Variants in GGA2 observed in about 807,000 individuals in gnomAD.
The protein encoded by GGA2 is ADP-ribosylation factor-binding protein GGA2.
A neutral mutation model predicts 79.5 loss-of-function variants in GGA2; 48 were observed. The observed-to-expected ratio is 0.60, with a 90% CI of 0.48 to 0.77. The LOEUF is 0.77. GGA2 is among the 30% of genes least tolerant of loss of function. The pLI, the probability that GGA2 is intolerant of heterozygous loss-of-function variation, is 0.00. For synonymous variants in GGA2, 317 were observed against 302.0 expected (o/e 1.05, Z -0.51); for missense variants, 770 against 774.0 (o/e 0.99, Z 0.06).
At chr16:23,498,302 T>C (rs1020110021) in intron 1 of GGA2, among the ~76,000 whole-genome samples, 2 of 146,896 alleles carry the variant, frequency 1.4e-5, no homozygotes, top group Admixed American at 1.4e-4. Flanking sequence ...AAGCCAGGCA[T>C]GGTGGCACAC....
chr16:23,469,412 G>A (rs1163968062), intron 15 of GGA2: 3 of 172,106 alleles, frequency 1.7e-5, no homozygotes, highest in Non-Finnish European at 2.6e-5. Flanking sequence ...AGTAGAGACT[G>A]CAGGTCATAT....
In GGA2 at chr16:23,493,580, T is replaced by C. The variant is rs751014418; in HGVS notation, c.253-122A>G. ...CAAGGCTAACCCTGCCTCAAGCCTA[T>C]GAGGACACTGAAGTTTTGATGAAGA... On this transcript the variant is annotated intron_variant, in intron 3 of 16. Coordinates refer to ENST00000309859, the MANE Select transcript of GGA2 (RefSeq NM_015044.4). 1.0e-4 allele frequency: 70 copies of C among 670,820 alleles called. 1 individual carries two copies. In the South Asian group the frequency reaches 1.1e-3, roughly 11 times the overall value. The allele number at this position is 670,820 out of a possible 1,614,324, so 41.6% of individuals were successfully genotyped here. A position where few individuals can be genotyped will look rare whatever the true frequency, so the allele number is the denominator to read the frequency against.
chr16:23,489,414 A>T (rs867831273), intron 5 of GGA2, among the ~76,000 whole-genome samples: 11 of 152,186 alleles, frequency 7.2e-5, no homozygotes, highest in South Asian at 6.2e-4. Context: ...TTTTTAAAAA[A>T]TTTTTTGTAG....
intron 1 of GGA2, among the ~76,000 whole-genome samples, chr16:23,519,829 T>C (rs1965125227): frequency 1.3e-5 from 2 of 152,212 alleles, no homozygotes; most frequent in African/African-American, 4.8e-5. Context: ...AATAAATTCC[T>C]TTCATGGTTT....
chr16:23,491,574 C>T, intron 5 of GGA2, 103 bp downstream of exon 5: 1 of 845,826 alleles, frequency 1.2e-6, no homozygotes, highest in Non-Finnish European at 1.8e-6. Context: ...TATGGTCCTA[C>T]ATAAGAAGTA....
At chr16:23,517,685 T>C (rs1431068343) in intron 2 of GGA2, among the ~76,000 whole-genome samples, 1 of 152,194 alleles carries the variant, frequency 6.6e-6, no homozygotes, top group Non-Finnish European at 1.5e-5. Context: ...CTCCTTGGAA[T>C]AGCCTTCCAA....
chr16:23,480,576 C>A lies in GGA2; in HGVS notation c.1006+69G>T, dbSNP rs200739276. 101 of 1,350,792 alleles carry A rather than the reference C, an allele frequency of 7.5e-5. 1 individual carries two copies. In the Middle Eastern group the frequency reaches 7.5e-4, roughly 10 times the overall value. 83.7% of individuals were successfully genotyped at this position (1,350,792 alleles called of 1,614,324 possible). ...TCCTTAACCCAGAATATGTTTAGGA[C>A]CCATTTCTTTTCTGGGAATTACAGG... is the stretch of plus-strand genomic sequence containing the variant. On this transcript the variant is annotated intron_variant, in intron 10 of 16. Transcript: ENST00000309859.
intron 7 of GGA2, 98 bp downstream of exon 7, chr16:23,486,612 G>T: frequency 2.5e-6 from 2 of 795,518 alleles, no homozygotes; most frequent in Non-Finnish European, 4.6e-6. Context: ...TTTCTCCCAG[G>T]CAACCGTTCC....
intron 1 of GGA2, among the ~76,000 whole-genome samples, chr16:23,496,367 T>C (rs1964856026): frequency 6.6e-6 from 1 of 151,642 alleles, no homozygotes; most frequent in Non-Finnish European, 1.5e-5. Context: ...GCTCCACTTT[T>C]AGTGCAGAGG....
At chr16:23,517,890 C>T (rs754179999) in intron 2 of GGA2, among the ~76,000 whole-genome samples, 20 of 151,988 alleles carry the variant, frequency 1.3e-4, no homozygotes, top group African/African-American at 2.4e-4. Context: ...TGAGCCACCG[C>T]GCCTGGCCTA....
chr16:23,478,331 G>A, intron 13 of GGA2, 37 bp downstream of exon 13: 1 of 1,526,464 alleles, frequency 6.6e-7, no homozygotes, highest in Non-Finnish European at 8.8e-7. Context: ...GCACTCAGGA[G>A]CCACACTCTC....
In GGA2 at chr16:23,486,789, A is replaced by G; in HGVS notation, c.581T>C (p.Leu194Pro). The part of the protein sequence containing the change: ...IFDADEEKSK[L>P]LTRLLKSNHP... ...GTTGCTCTTTAGAAGCCTTGTCAGAAGCTGCAGAGAGTGAACAGGAAGAGT... is the reference window on the plus strand; with the variant it reads ...GTTGCTCTTTAGAAGCCTTGTCAGAGGCTGCAGAGAGTGAACAGGAAGAGT... Residue 194 changes from leucine (L) to proline (P), a missense_variant and splice_region_variant, in exon 7 of 17, where the codon CTT (leucine) becomes CCT (proline). By Grantham distance (98) the Leu-to-Pro change is moderately conservative (BLOSUM62 -3). Transcript: ENST00000309859. 3.8e-6 allele frequency: 6 copies of G among 1,593,076 alleles called. No individual in the cohort carries two copies. The highest frequency in any genetic ancestry group is 5.2e-6 in the Non-Finnish European group (6 of 1,160,852).
intron 1 of GGA2, among the ~76,000 whole-genome samples, chr16:23,502,587 T>C (rs965855250): frequency 6.6e-6 from 1 of 152,242 alleles, no homozygotes; most frequent in Non-Finnish European, 1.5e-5. Context: ...CATTTTCCAG[T>C]GCACCTCAGT....
chr16:23,483,844 T>C (rs1596983900), intron 8 of GGA2, among the ~76,000 whole-genome samples: 2 of 151,082 alleles, frequency 1.3e-5, no homozygotes, highest in African/African-American at 4.9e-5. Flanking sequence ...ATGGGGTTTC[T>C]CCATGTTGGT....
intron 1 of GGA2, among the ~76,000 whole-genome samples, chr16:23,509,074 A>G (rs879503838): frequency 2.6e-5 from 4 of 151,810 alleles, no homozygotes; most frequent in Admixed American, 2.0e-4. Context: ...CTGAAGTCTC[A>G]CCCTCTCCGC....
At chr16:23,498,201 A>T (rs1332566805) in intron 1 of GGA2, among the ~76,000 whole-genome samples, 1 of 150,590 alleles carries the variant, frequency 6.6e-6, no homozygotes, top group Non-Finnish European at 1.5e-5. Flanking sequence ...AATCGCTTGA[A>T]CCCGGGAGGC....
At chr16:23,507,604 G>C (rs918246928) in intron 1 of GGA2, among the ~76,000 whole-genome samples, 1 of 151,036 alleles carries the variant, frequency 6.6e-6, no homozygotes, top group South Asian at 2.1e-4. Context: ...CTCCAGCCTG[G>C]ACAAGAATGA....
chr16:23,472,156 GCA>G (rs1964518722), intron 14 of GGA2, among the ~76,000 whole-genome samples: 8 of 148,126 alleles, frequency 5.4e-5, no homozygotes, highest in African/African-American at 1.3e-4. Flanking sequence ...TGTAGCCCTG[GCA>G]TCCAAAGATG....
chr16:23,472,581 G>C (rs1964525019), intron 14 of GGA2, among the ~76,000 whole-genome samples: 1 of 151,724 alleles, frequency 6.6e-6, no homozygotes, highest in Non-Finnish European at 1.5e-5. Context: ...AGTGGCGCAT[G>C]CCTGTAGTCC....
Sources: allele counts gnomAD v4.1 joint callset (sites outside exome capture counted in the v4.1 genomes callset), GRCh38; gene constraint gnomAD v4.1.1; transcripts MANE v1.5; gene names NCBI Gene and HGNC (gene_info 2026-07-23, HGNC 2026-07-21).